EXT1: variants seen among roughly 807,000 people sequenced by gnomAD.
EXT1 encodes the protein exostosin glycosyltransferase 1.
In EXT1, 20 loss-of-function variants were observed where a neutral mutation model predicts 82.5. The ratio of observed to expected loss-of-function variants is 0.24; its 90% CI spans 0.17 to 0.35. The LOEUF (loss-of-function observed/expected upper bound fraction) is 0.35. Ranked by LOEUF, EXT1 falls within the 10% of genes least tolerant of loss-of-function variation. The pLI is 1.00. For missense variants in EXT1, 757 were observed against 936.5 expected (o/e 0.81, Z 2.50); for synonymous variants, 348 against 350.8 (o/e 0.99, Z 0.09).
intron 1 of EXT1, among the ~76,000 whole-genome samples, chr8:117,877,117 CAG>C (rs1370468617): frequency 2.0e-5 from 3 of 152,190 alleles, no homozygotes; most frequent in Admixed American, 6.5e-5. Context: ...ATGTTAATGA[CAG>C]AGTATCTTTT....
Position 118,084,592 on chromosome 8 carries a change from C to T in EXT1, c.962+25493G>A, listed in dbSNP as rs539253533. Among the ~76,000 whole-genome samples the T allele has an allele frequency of 1.7e-4, 26 of 152,308 alleles. No homozygotes were observed. In the South Asian group the frequency reaches 5.0e-3, roughly 29 times the overall value. On this transcript the variant is annotated intron_variant, in intron 1 of 10. Coordinates refer to ENST00000378204, the MANE Select transcript of EXT1 (RefSeq NM_000127.3). The stretch of plus-strand genomic sequence containing the variant: ...GTAAAACCTTCAAAACCCAAATGCC[C>T]AGAGCCCAGCTCCTCGAAATGCTGG...
chr8:118,020,256 C>T lies in EXT1; in HGVS notation c.962+89829G>A, dbSNP rs531989267. On this transcript the variant is annotated intron_variant, in intron 1 of 10. Coordinates refer to ENST00000378204, the MANE Select transcript of EXT1 (RefSeq NM_000127.3). ...TTCCTACAGACACATAAAATGTAAA[C>T]AGTTCACTCTAACACTACTAAAGAG... 2.0e-5 allele frequency among the ~76,000 whole-genome samples: 3 copies of T among 152,286 alleles called. No individual in the cohort carries two copies. The East Asian group carries it at 5.8e-4, about 29-fold the overall frequency.
At chr8:118,087,486 G>A (rs1015174835) in intron 1 of EXT1, among the ~76,000 whole-genome samples, 3 of 152,084 alleles carry the variant, frequency 2.0e-5, no homozygotes, top group East Asian at 1.9e-4. Context: ...TCTGGAAGGC[G>A]GTTTTAGAAT....
intron 1 of EXT1, among the ~76,000 whole-genome samples, chr8:117,843,928 T>C (rs1327194582): frequency 6.6e-6 from 1 of 152,128 alleles, no homozygotes; most frequent in East Asian, 1.9e-4. Flanking sequence ...ACATGTCTTA[T>C]GAAGCCAGGT....
intron 1 of EXT1, among the ~76,000 whole-genome samples, chr8:118,061,640 G>A (rs1816882887): frequency 6.6e-6 from 1 of 152,172 alleles, no homozygotes; most frequent in Non-Finnish European, 1.5e-5. Context: ...AGGTCCTGTG[G>A]TAATTTGAAA....
chr8:117,949,499 T>TAC lies in EXT1; in HGVS notation c.963-112300_963-112299dup, dbSNP rs1814450876. On this transcript the variant is annotated intron_variant, in intron 1 of 10. Transcript: ENST00000378204. Reference sequence around the variant, plus strand: ...ACACATACACACATATACATATATATACATGTATATATGATATATAAATAT... The same window carrying TAC: ...ACACATACACACATATACATATATATACACATGTATATATGATATATAAATAT... Among the ~76,000 whole-genome samples the TAC allele has an allele frequency of 2.0e-5, 3 of 149,264 alleles. No homozygotes were observed. The South Asian group carries it at 6.3e-4, about 31-fold the overall frequency.
At chr8:117,829,651 GCAACCTCCACCTCCCAGGTT>G (rs1812065478) in intron 4 of EXT1, among the ~76,000 whole-genome samples, 1 of 137,608 alleles carries the variant, frequency 7.3e-6, no homozygotes, top group Non-Finnish European at 1.5e-5. Context: ...TCAGCTGACT[GCAACCTCCACCTCCCAGGTT>G]CAAGATATTC....
At chr8:117,832,896 T>C (rs1408851991) in intron 3 of EXT1, among the ~76,000 whole-genome samples, 3 of 152,188 alleles carry the variant, frequency 2.0e-5, no homozygotes, top group African/African-American at 7.2e-5. Flanking sequence ...TGGATTGTTT[T>C]GGAAGTTGCC....
At chr8:117,989,176 C>A (rs1312378209) in intron 1 of EXT1, among the ~76,000 whole-genome samples, 2 of 151,970 alleles carry the variant, frequency 1.3e-5, no homozygotes, top group South Asian at 4.1e-4. Flanking sequence ...ATACCTAAGC[C>A]ATAGCAGAGG....
At chr8:117,810,212 G>A (rs895837385) in intron 8 of EXT1, among the ~76,000 whole-genome samples, 2 of 152,158 alleles carry the variant, frequency 1.3e-5, no homozygotes, top group African/African-American at 4.8e-5. Flanking sequence ...TTTATAGGAT[G>A]CTGTTTAAAA....
intron 1 of EXT1, among the ~76,000 whole-genome samples, chr8:117,914,798 A>G (rs183615966): frequency 6.6e-6 from 1 of 152,302 alleles, no homozygotes; most frequent in Non-Finnish European, 1.5e-5. Context: ...TAAGATGTTT[A>G]TCAAGACAAT....
chr8:117,842,864 G>T (rs1330740895), intron 1 of EXT1, among the ~76,000 whole-genome samples: 1 of 152,180 alleles, frequency 6.6e-6, no homozygotes, highest in Non-Finnish European at 1.5e-5. Flanking sequence ...TCTGTAGCAC[G>T]CATATTTGCC....
rs867061490 is a variant in EXT1 at position 117,952,927 on chromosome 8, T to G, written c.963-115726A>C. Among the ~76,000 whole-genome samples, 84 of 152,344 alleles carry G rather than the reference T, an allele frequency of 5.5e-4. No homozygotes were observed. The Middle Eastern group carries it at 0.01, about 19-fold the overall frequency. On this transcript the variant is annotated intron_variant, in intron 1 of 10. Coordinates refer to ENST00000378204, the MANE Select transcript of EXT1 (RefSeq NM_000127.3). The stretch of plus-strand genomic sequence containing the variant: ...AGTAAAATAAAGGTTATTCATCAAT[T>G]GACATATTATAAGCCATATTTTGTA...
chr8:117,849,023 CT>C (rs1474277521), intron 1 of EXT1, among the ~76,000 whole-genome samples: 1 of 152,236 alleles, frequency 6.6e-6, no homozygotes, highest in Non-Finnish European at 1.5e-5. Context: ...CAGTCACCAT[CT>C]ACAGCTACAA....
At chr8:117,990,383 T>C (rs1355382472) in intron 1 of EXT1, among the ~76,000 whole-genome samples, 2 of 152,196 alleles carry the variant, frequency 1.3e-5, no homozygotes, top group Admixed American at 6.5e-5. Flanking sequence ...ACAGCATCTA[T>C]AGAACCAGAT....
intron 4 of EXT1, 111 bp from the exon 5 acceptor site, chr8:117,822,708 C>A: frequency 1.7e-6 from 2 of 1,168,848 alleles, no homozygotes; most frequent in South Asian, 1.3e-5. Flanking sequence ...GTGACTCTAC[C>A]CTCCCTCCCA....
At chr8:118,027,313 T>TCACACACACACACA (rs71307421) in intron 1 of EXT1, among the ~76,000 whole-genome samples, 2 of 145,412 alleles carry the variant, frequency 1.4e-5, no homozygotes, top group African/African-American at 5.1e-5. Context: ...TCAGTTTCTT[T>TCACACACACACACA]CACACACACA....
intron 1 of EXT1, among the ~76,000 whole-genome samples, chr8:118,066,304 TTTC>T (rs1341884139): frequency 6.6e-6 from 1 of 151,940 alleles, no homozygotes; most frequent in African/African-American, 2.4e-5. Flanking sequence ...TCCTTATTAT[TTTC>T]TTAATAACAT....
intron 9 of EXT1, 113 bp downstream of exon 9, chr8:117,807,104 C>T (rs1586990216): frequency 7.7e-7 from 1 of 1,302,718 alleles, no homozygotes; most frequent in Non-Finnish European, 1.1e-6. Flanking sequence ...AGCGGGGATA[C>T]AGACTAATTT....
Sources: gnomAD v4.1 joint callset for allele counts (sites outside exome capture counted in the v4.1 genomes callset) on GRCh38, gnomAD v4.1.1 for gene constraint, MANE v1.5 for transcripts, NCBI Gene and HGNC (gene_info 2026-07-23, HGNC 2026-07-21) for gene names.